Variants in COL5A2 observed in about 807,000 individuals in gnomAD.
The protein encoded by COL5A2 is collagen alpha-2(V) chain.
Under a neutral mutation model 208.2 loss-of-function variants are expected in COL5A2, and 23 were observed. That is an observed-to-expected ratio of 0.11 (90% CI 0.08 to 0.16). COL5A2 has a LOEUF of 0.16. Ranked by LOEUF, COL5A2 falls within the 10% of genes least tolerant of loss-of-function variation. The pLI, the probability that COL5A2 is intolerant of heterozygous loss-of-function variation, is 1.00. For missense variants in COL5A2, 1,590 were observed against 1,956.4 expected, an observed-to-expected ratio of 0.81 and a Z score of 3.53; for synonymous variants, 625 against 628.5, an observed-to-expected ratio of 0.99 and a Z score of 0.08.
intron 8 of COL5A2, 93 bp from the exon 9 acceptor site, chr2:189,086,863 A>T: frequency 8.7e-7 from 1 of 1,146,258 alleles, no homozygotes; most frequent in Non-Finnish European, 1.3e-6. Flanking sequence ...AATCTGGAAA[A>T]GTGAAGTTTT....
At chr2:189,267,218 G>A in the COL5A2 span, among the ~76,000 whole-genome samples, 8 of 151,928 alleles carry the variant, frequency 5.3e-5, no homozygotes, top group Non-Finnish European at 7.4e-5. Flanking sequence ...CACATTGCCT[G>A]CATCCATACT....
chr2:189,410,101 A>G, the COL5A2 span, among the ~76,000 whole-genome samples: 2 of 152,204 alleles, frequency 1.3e-5, no homozygotes, highest in Non-Finnish European at 2.9e-5. Flanking sequence ...AGAGAGAGCT[A>G]CTGAATCATT....
At chr2:189,421,494 C>A in the COL5A2 span, among the ~76,000 whole-genome samples, 1 of 152,084 alleles carries the variant, frequency 6.6e-6, no homozygotes, top group Non-Finnish European at 1.5e-5. Flanking sequence ...CCTTCCCCAA[C>A]CCCAGGTAGC....
At chr2:189,396,990 C>CAAAAAAA in the COL5A2 span, among the ~76,000 whole-genome samples, 2 of 95,802 alleles carry the variant, frequency 2.1e-5, no homozygotes, top group Non-Finnish European at 4.1e-5. Flanking sequence ...GACTCCGTCT[C>CAAAAAAA]AAAAAAAAAA....
At chr2:189,131,191 T>C (rs775523432) in intron 1 of COL5A2, among the ~76,000 whole-genome samples, 1 of 152,146 alleles carries the variant, frequency 6.6e-6, no homozygotes, top group Non-Finnish European at 1.5e-5. Context: ...ATGACGATTC[T>C]TATTGGAATA....
chr2:189,163,129 C>A (rs1688401484), intron 1 of COL5A2, among the ~76,000 whole-genome samples: 1 of 152,080 alleles, frequency 6.6e-6, no homozygotes, highest in Admixed American at 6.5e-5. Flanking sequence ...AATAATTCAC[C>A]TTCTCTCTCG....
At chr2:189,174,148 T>G (rs1452560097) in intron 1 of COL5A2, among the ~76,000 whole-genome samples, 1 of 152,244 alleles carries the variant, frequency 6.6e-6, no homozygotes, top group Non-Finnish European at 1.5e-5. Flanking sequence ...AAAACAAAGC[T>G]TCCTCTTTCT....
At chr2:189,310,821 G>T in the COL5A2 span, among the ~76,000 whole-genome samples, 1 of 152,022 alleles carries the variant, frequency 6.6e-6, no homozygotes, top group Non-Finnish European at 1.5e-5. Context: ...AATAAACCAG[G>T]CACAGAAAGA....
At chr2:189,080,689 T>C (rs1283567245) in intron 13 of COL5A2, among the ~76,000 whole-genome samples, 2 of 152,146 alleles carry the variant, frequency 1.3e-5, no homozygotes, top group African/African-American at 4.8e-5. Context: ...TTTTCATCCG[T>C]ATCCCCCATT....
intron 1 of COL5A2, among the ~76,000 whole-genome samples, chr2:189,220,405 C>T (rs1559149124): frequency 2.6e-5 from 4 of 151,814 alleles, no homozygotes; most frequent in Non-Finnish European, 5.9e-5. Flanking sequence ...TAGTAGAAAA[C>T]TGTTTCTTCA....
intron 42 of COL5A2, 99 bp from the exon 43 acceptor site, chr2:189,050,775 AT>A (rs1685769077): frequency 9.9e-7 from 1 of 1,006,730 alleles, no homozygotes; most frequent in Non-Finnish European, 1.5e-6. Context: ...GTTTTTCAGT[AT>A]GAAAAAGAAG....
the COL5A2 span, among the ~76,000 whole-genome samples, chr2:189,267,431 C>T: frequency 2.7e-3 from 408 of 152,230 alleles, 3 homozygotes; most frequent in African/African-American, 9.3e-3. Context: ...ACAAAACATT[C>T]ATCTTGCAAA....
At chr2:189,392,529 G>A in the COL5A2 span, among the ~76,000 whole-genome samples, 1 of 152,052 alleles carries the variant, frequency 6.6e-6, no homozygotes, top group African/African-American at 2.4e-5. Flanking sequence ...TAACTTTATA[G>A]GACAAATATA....
At chr2:189,037,776 C>A (rs894005766) in intron 51 of COL5A2, among the ~76,000 whole-genome samples, 1 of 152,080 alleles carries the variant, frequency 6.6e-6, no homozygotes, top group Admixed American at 6.5e-5. Context: ...CATTAAACTA[C>A]ATGAAAGGAA....
At chr2:189,082,270 T>C (rs56074008) in intron 12 of COL5A2, among the ~76,000 whole-genome samples, 13,943 of 152,246 alleles carry the variant, frequency 0.092, 682 homozygotes, top group South Asian at 0.16. Flanking sequence ...TATAACAAAA[T>C]CAAAGCAATA....
In COL5A2 at chr2:189,179,574, G is replaced by A; in HGVS notation, c.31C>T (p.Leu11Phe). MMANWAEARP[L>F]LILIVLLGQF... ...CCTAATAAAACAATAAGAATGAGGA[G>A]AGGTCTTGCTTCCGCCCAGTTTGCC... Residue 11 changes from leucine to phenylalanine, a missense_variant, in exon 1 of 54, where the codon CTC becomes TTC. Coordinates refer to ENST00000374866, the MANE Select transcript of COL5A2 (RefSeq NM_000393.5). The A allele has an allele frequency of 6.2e-7, 1 of 1,609,528 alleles. No individual in the cohort carries two copies. Among genetic ancestry groups the A allele is most frequent in the South Asian group, 1.1e-5 (1 of 90,248 alleles).
chr2:189,404,691 CCTAA>C, the COL5A2 span, among the ~76,000 whole-genome samples: 1 of 152,202 alleles, frequency 6.6e-6, no homozygotes, highest in East Asian at 1.9e-4. Flanking sequence ...TCTGGAGAAC[CCTAA>C]CTAATAAAAG....
chr2:189,062,580 ACT>A (rs1401023285), intron 29 of COL5A2, among the ~76,000 whole-genome samples: 1 of 152,228 alleles, frequency 6.6e-6, no homozygotes, highest in Non-Finnish European at 1.5e-5. Flanking sequence ...TTTGTTACAC[ACT>A]GTTTTCTTCA....
Position 189,064,536 on chromosome 2 carries a change from A to T in COL5A2, c.1716+21T>A. The T allele has an allele frequency of 1.9e-6, 3 of 1,573,410 alleles. No homozygotes were observed. The South Asian group carries it at 3.3e-5, about 17-fold the overall frequency. ...GAGCACTTCTCCCCTTTGATGTAGC[A>T]AACACTTGCTATATTCTTACCCGAG... On this transcript the variant is annotated intron_variant, in intron 25 of 53. Coordinates refer to ENST00000374866, the MANE Select transcript of COL5A2 (RefSeq NM_000393.5).
Sources: gnomAD v4.1 joint callset for allele counts (sites outside exome capture counted in the v4.1 genomes callset) on GRCh38, gnomAD v4.1.1 for gene constraint, MANE v1.5 for transcripts, NCBI Gene and HGNC (gene_info 2026-07-23, HGNC 2026-07-21) for gene names.